Variants in SLC9A9 observed in about 807,000 individuals in gnomAD.
The protein encoded by SLC9A9 is sodium/hydrogen exchanger 9.
Under a neutral mutation model 77.8 loss-of-function variants are expected in SLC9A9, and 62 were observed. That is an observed-to-expected ratio of 0.80 (90% confidence interval 0.65 to 0.98). The LOEUF is 0.98. Among genes scored for constraint, SLC9A9 ranks in the 50% least tolerant of loss-of-function variants. SLC9A9 has a pLI of 0.00. For synonymous variants in SLC9A9, 320 were observed against 283.5 expected, an observed-to-expected ratio of 1.13 and a Z score of -1.29; for missense variants, 775 against 774.9, an observed-to-expected ratio of 1.00 and a Z score of 0.00.
chr3:143,528,932 A>G (rs2036456569), intron 9 of SLC9A9, among the ~76,000 whole-genome samples: 1 of 152,222 alleles, frequency 6.6e-6, no homozygotes, highest in Non-Finnish European at 1.5e-5. Context: ...AAGAGGACCA[A>G]CAATATGAAA....
chr3:143,526,618 G>A (rs145981905), intron 9 of SLC9A9, among the ~76,000 whole-genome samples: 343 of 152,108 alleles, frequency 2.3e-3, no homozygotes, highest in African/African-American at 7.8e-3. Context: ...AGCTCACCTC[G>A]AGCAACCAAT....
chr3:143,800,542 C>CT (rs891845155), intron 2 of SLC9A9, among the ~76,000 whole-genome samples: 4 of 152,124 alleles, frequency 2.6e-5, no homozygotes, highest in Non-Finnish European at 5.9e-5. Context: ...CTTAAAGATG[C>CT]TTTTTTCACT....
At chr3:143,414,996 T>TAC (rs2034166296) in intron 12 of SLC9A9, among the ~76,000 whole-genome samples, 1 of 152,316 alleles carries the variant, frequency 6.6e-6, no homozygotes, top group African/African-American at 2.4e-5. Context: ...ACAGGCTTAT[T>TAC]ACTGAAAGGC....
intron 12 of SLC9A9, among the ~76,000 whole-genome samples, chr3:143,410,780 T>A (rs1278596835): frequency 6.6e-6 from 1 of 152,214 alleles, no homozygotes; most frequent in South Asian, 2.1e-4. Flanking sequence ...TATTTAAGAC[T>A]GCATATTTCC....
intron 14 of SLC9A9, among the ~76,000 whole-genome samples, chr3:143,279,448 G>A (rs1286510556): frequency 6.6e-6 from 1 of 152,160 alleles, no homozygotes; most frequent in Non-Finnish European, 1.5e-5. Context: ...TTTAAGTTCT[G>A]GGATTCATGT....
intron 14 of SLC9A9, among the ~76,000 whole-genome samples, chr3:143,283,722 T>A (rs906373344): frequency 6.6e-6 from 1 of 152,160 alleles, no homozygotes; most frequent in Admixed American, 6.5e-5. Context: ...CCTTTCAGAG[T>A]GAGTATAAAA....
At chr3:143,689,048 C>A (rs1014095311) in intron 5 of SLC9A9, among the ~76,000 whole-genome samples, 1 of 151,936 alleles carries the variant, frequency 6.6e-6, no homozygotes, top group African/African-American at 2.4e-5. Context: ...CTAAGCCATG[C>A]TATAGGGATA....
At chr3:143,465,127 C>T (rs890972514) in intron 12 of SLC9A9, among the ~76,000 whole-genome samples, 8 of 152,204 alleles carry the variant, frequency 5.3e-5, no homozygotes, top group East Asian at 1.9e-4. Flanking sequence ...CATTTGGAGC[C>T]GGTTCCTGCT....
At chr3:143,367,228 A>AC (rs1355781577) in intron 13 of SLC9A9, among the ~76,000 whole-genome samples, 1 of 152,232 alleles carries the variant, frequency 6.6e-6, no homozygotes, top group Non-Finnish European at 1.5e-5. Context: ...AAAAATATTA[A>AC]CACATGCAAT....
At chr3:143,303,373 CTT>C (rs112101322) in intron 14 of SLC9A9, among the ~76,000 whole-genome samples, 16 of 142,592 alleles carry the variant, frequency 1.1e-4, no homozygotes, top group Admixed American at 1.4e-4. Flanking sequence ...TTTTTCTTTT[CTT>C]TTTTTTTTTT....
chr3:143,734,488 C>T (rs919756713), intron 4 of SLC9A9, among the ~76,000 whole-genome samples: 2 of 152,092 alleles, frequency 1.3e-5, no homozygotes, highest in Admixed American at 1.3e-4. Flanking sequence ...GTAATCCCAG[C>T]AGTTTGGGAG....
chr3:143,638,812 C>T (rs748633175), intron 6 of SLC9A9, among the ~76,000 whole-genome samples: 4 of 152,222 alleles, frequency 2.6e-5, no homozygotes, highest in Non-Finnish European at 4.4e-5. Context: ...ATCAGATTCC[C>T]TAAGCATCCC....
chr3:143,577,990 C>A (rs896990014), intron 7 of SLC9A9, among the ~76,000 whole-genome samples: 1 of 152,226 alleles, frequency 6.6e-6, no homozygotes, highest in African/African-American at 2.4e-5. Context: ...GAAACTCCAT[C>A]TATCATCCCA....
chr3:143,556,853 T>A (rs1479793843), intron 8 of SLC9A9, among the ~76,000 whole-genome samples: 1 of 152,182 alleles, frequency 6.6e-6, no homozygotes, highest in Non-Finnish European at 1.5e-5. Flanking sequence ...GAAAATAAAA[T>A]CCAACTTGTA....
chr3:143,667,071 A>G (rs1180999344), intron 5 of SLC9A9, among the ~76,000 whole-genome samples: 3 of 152,218 alleles, frequency 2.0e-5, no homozygotes, highest in African/African-American at 7.2e-5. Context: ...ATGCTACCTG[A>G]CTTCAAACTA....
intron 5 of SLC9A9, among the ~76,000 whole-genome samples, chr3:143,680,434 G>T (rs764103405): frequency 6.6e-6 from 1 of 152,048 alleles, no homozygotes; most frequent in Admixed American, 6.6e-5. Context: ...AAAAGATAAA[G>T]TATGTCCATA....
intron 9 of SLC9A9, among the ~76,000 whole-genome samples, chr3:143,540,395 T>C (rs1217759549): frequency 1.3e-5 from 2 of 152,134 alleles, no homozygotes; most frequent in East Asian, 1.9e-4. Flanking sequence ...GCTCTACCTA[T>C]TAAGGCCCTC....
At chr3:143,690,119 A>G (rs13084504) in intron 5 of SLC9A9, among the ~76,000 whole-genome samples, 39,775 of 151,932 alleles carry the variant, frequency 0.26, 6,430 homozygotes, top group East Asian at 0.36. Flanking sequence ...AAAGGCTAAA[A>G]ATAACCACAA....
chr3:143,372,363 G>T (rs2033077271), intron 13 of SLC9A9, among the ~76,000 whole-genome samples: 1 of 152,020 alleles, frequency 6.6e-6, no homozygotes, highest in African/African-American at 2.4e-5. Context: ...TATAAAAGTA[G>T]ATACATAGAC....
Sources: allele counts gnomAD v4.1 joint callset (sites outside exome capture counted in the v4.1 genomes callset), GRCh38; gene constraint gnomAD v4.1.1; transcripts MANE v1.5; gene names NCBI Gene and HGNC (gene_info 2026-07-23, HGNC 2026-07-21).